PCDHA6: variants seen among roughly 807,000 people sequenced by gnomAD.
PCDHA6 encodes the protein protocadherin alpha-6.
PCDHA6 carries 55 observed loss-of-function variants against 60.3 expected under a neutral mutation model. That is an observed-to-expected ratio of 0.91 (90% confidence interval 0.73 to 1.14). PCDHA6 has a LOEUF of 1.14. Ranked by LOEUF, PCDHA6 falls within the 50% of genes most tolerant of loss-of-function variation. PCDHA6 has a pLI of 0.00. For missense variants in PCDHA6, 1,327 were observed against 1,256.5 expected, an observed-to-expected ratio of 1.06 and a Z score of -0.85; for synonymous variants, 652 against 557.9, an observed-to-expected ratio of 1.17 and a Z score of -2.38.
chr5:140,902,703 T>C (rs1451324920), intron 1 of PCDHA6, among the ~76,000 whole-genome samples: 1 of 152,166 alleles, frequency 6.6e-6, no homozygotes, highest in African/African-American at 2.4e-5. Flanking sequence ...GTCTTTTATC[T>C]TTCACTCCCC....
intron 1 of PCDHA6, chr5:140,841,424 G>A: frequency 6.2e-7 from 1 of 1,612,920 alleles, no homozygotes; most frequent in Non-Finnish European, 8.5e-7. Context: ...CCACTACTCC[G>A]TCCCCGAGGA....
rs2150339268 is a variant in PCDHA6, at chr5:140,842,564, C to T, written c.2394+12079C>T. ...GTTGGTGCTGGACAGCGCCCTGGACCGCGAGAGAGTGTCGGCCTATGAGTT... is the reference window on the plus strand; with the variant it reads ...GTTGGTGCTGGACAGCGCCCTGGACTGCGAGAGAGTGTCGGCCTATGAGTT... On this transcript the variant is annotated intron_variant, in intron 1 of 3. Transcript: ENST00000529310. 4 of 1,500,320 alleles carry T rather than the reference C, an allele frequency of 2.7e-6. 1 individual carries two copies. The highest frequency in any genetic ancestry group is 1.9e-5 in the Admixed American group (1 of 52,900). The allele number at this position is 1,500,320 out of a possible 1,614,324, so 92.9% of individuals were successfully genotyped here.
chr5:140,933,945 T>A (rs1435633780), intron 1 of PCDHA6, among the ~76,000 whole-genome samples: 1 of 152,084 alleles, frequency 6.6e-6, no homozygotes, highest in Non-Finnish European at 1.5e-5. Flanking sequence ...TTTTCACATC[T>A]GCAGGATCTG....
rs375705333 is a variant in PCDHA6 at position 140,927,955 on chromosome 5, C to T, written c.2395-50994C>T. On this transcript the variant is annotated intron_variant, in intron 1 of 3. Coordinates refer to ENST00000529310, the MANE Select transcript of PCDHA6 (RefSeq NM_018909.4). ...GAACCCAGTACCTGAGGACGCTGCC[C>T]CTGGCACAGTGATTGCTCTCTTTAG... 34 of 1,614,198 alleles carry T rather than the reference C, an allele frequency of 2.1e-5. 1 individual carries two copies. In the Middle Eastern group the frequency reaches 9.9e-4, roughly 47 times the overall value.
intron 3 of PCDHA6, among the ~76,000 whole-genome samples, chr5:141,005,828 T>A (rs752447584): frequency 6.7e-6 from 1 of 149,690 alleles, no homozygotes; most frequent in African/African-American, 2.5e-5. Context: ...TGGCCTGTAG[T>A]CCCAGCCACT....
At chr5:140,869,628 T>A (rs1562631338) in intron 1 of PCDHA6, 1 of 1,613,700 alleles carries the variant, frequency 6.2e-7, no homozygotes. Flanking sequence ...TAAGTAAAAA[T>A]GAGTATTTTT....
intron 3 of PCDHA6, among the ~76,000 whole-genome samples, chr5:141,007,907 A>G (rs1402621923): frequency 6.6e-6 from 1 of 152,186 alleles, no homozygotes; most frequent in Non-Finnish European, 1.5e-5. Flanking sequence ...TTCTTTGTTG[A>G]AGATGCTATA....
intron 1 of PCDHA6, chr5:140,836,314 G>A (rs2150257460): frequency 6.2e-6 from 10 of 1,613,658 alleles, no homozygotes; most frequent in East Asian, 2.2e-5. Context: ...GACGCACCGC[G>A]CCACCGCCTT....
chr5:140,850,133 C>T, intron 1 of PCDHA6: 1 of 1,595,806 alleles, frequency 6.3e-7, no homozygotes, highest in Non-Finnish European at 8.6e-7. Flanking sequence ...CGCCTCTGGG[C>T]AGCAACGTGA....
chr5:140,884,466 C>T (rs1212644572), intron 1 of PCDHA6: 3 of 1,613,764 alleles, frequency 1.9e-6, no homozygotes, highest in Non-Finnish European at 2.5e-6. Context: ...GGCGCGTGCG[C>T]GCCGGGCAAG....
At chr5:140,904,193 T>C (rs1554191351) in intron 1 of PCDHA6, among the ~76,000 whole-genome samples, 2 of 151,930 alleles carry the variant, frequency 1.3e-5, no homozygotes, top group Non-Finnish European at 2.9e-5. Flanking sequence ...TTCCCACCCT[T>C]TCCCCCTAAG....
intron 1 of PCDHA6, chr5:140,883,267 T>C: frequency 6.2e-7 from 1 of 1,614,048 alleles, no homozygotes. Flanking sequence ...TGGCGGGTCA[T>C]TGTACCCTTT....
At chr5:140,857,595 T>C in intron 1 of PCDHA6, 2 of 1,595,942 alleles carry the variant, frequency 1.3e-6, no homozygotes, top group Non-Finnish European at 1.7e-6. Context: ...AGCGGCAAGG[T>C]GTACGCGCTG....
chr5:140,968,818 T>A, intron 1 of PCDHA6: 1 of 1,614,188 alleles, frequency 6.2e-7, no homozygotes, highest in South Asian at 1.1e-5. Context: ...TGGATAGGGT[T>A]TCCAAAATCC....
intron 1 of PCDHA6, chr5:140,842,491 GC>G (rs1554139099): frequency 2.5e-6 from 4 of 1,613,896 alleles, no homozygotes; most frequent in Non-Finnish European, 3.4e-6. Context: ...GCTCCCTGAT[GC>G]CCCATGTCCC....
At chr5:140,848,823 G>C in intron 1 of PCDHA6, 1 of 1,590,794 alleles carries the variant, frequency 6.3e-7, no homozygotes, top group South Asian at 1.1e-5. Context: ...GGAGGTGATC[G>C]TAGACAGGCC....
chr5:140,869,522 T>A, intron 1 of PCDHA6: 1 of 1,614,172 alleles, frequency 6.2e-7, no homozygotes, highest in Non-Finnish European at 8.5e-7. Context: ...GAACAAAAGC[T>A]GCTGATTGCG....
At chr5:140,925,124 A>AGGAAGG (rs1554202565) in intron 1 of PCDHA6, among the ~76,000 whole-genome samples, 1 of 151,852 alleles carries the variant, frequency 6.6e-6, no homozygotes, top group South Asian at 2.1e-4. Context: ...GAAGGAAGGA[A>AGGAAGG]AAAAAATTTC....
chr5:140,993,087 G>T (rs1476981409), intron 3 of PCDHA6, among the ~76,000 whole-genome samples: 2 of 152,188 alleles, frequency 1.3e-5, no homozygotes, highest in African/African-American at 4.8e-5. Flanking sequence ...AATCAGCAGG[G>T]CTATGTTTAT....
Sources: gnomAD v4.1 joint callset for allele counts (sites outside exome capture counted in the v4.1 genomes callset) on GRCh38, gnomAD v4.1.1 for gene constraint, MANE v1.5 for transcripts, NCBI Gene and HGNC (gene_info 2026-07-23, HGNC 2026-07-21) for gene names.